ESRRG: variants seen among roughly 807,000 people sequenced by gnomAD.
ESRRG encodes estrogen related receptor gamma.
Under a neutral mutation model 44.0 loss-of-function variants are expected in ESRRG, and 13 were observed. The observed-to-expected ratio is 0.30, with a 90% CI of 0.19 to 0.47. The LOEUF (loss-of-function observed/expected upper bound fraction) is 0.47. ESRRG is among the 20% of genes least tolerant of loss of function. The probability of loss-of-function intolerance (pLI) is 1.00; values close to 1 mark genes in which losing one functional copy is unlikely to be tolerated. For synonymous variants in ESRRG, 215 were observed against 214.6 expected (o/e 1.00, Z -0.02); for missense variants, 395 against 580.6 (o/e 0.68, Z 3.29).
intron 1 of ESRRG, among the ~76,000 whole-genome samples, chr1:217,023,557 C>A (rs1025613233): frequency 8.5e-5 from 13 of 152,076 alleles, no homozygotes; most frequent in African/African-American, 1.4e-4. Context: ...GGAAGGAGGG[C>A]AAAATCTTTG....
At position 216,575,888 on chromosome 1, in the gene ESRRG, A is replaced by G. The variant is rs924557709; in HGVS notation, c.590-7790T>C. Among the ~76,000 whole-genome samples, 4 of 152,214 alleles carry G rather than the reference A, an allele frequency of 2.6e-5. No individual in the cohort carries two copies. In the South Asian group the frequency reaches 6.2e-4, roughly 24 times the overall value. ...GAACTAGCAGGAGGAAAAAATAATGAACACTGTTACTCAAAAGGGCTAGGC... is the reference window on the plus strand; with the variant it reads ...GAACTAGCAGGAGGAAAAAATAATGGACACTGTTACTCAAAAGGGCTAGGC... On this transcript the variant is annotated intron_variant, in intron 3 of 6. Coordinates refer to ENST00000408911, the MANE Select transcript of ESRRG (RefSeq NM_001438.4).
chr1:216,747,604 T>C (rs1170786271), intron 2 of ESRRG, among the ~76,000 whole-genome samples: 1 of 152,170 alleles, frequency 6.6e-6, no homozygotes, highest in Middle Eastern at 3.2e-3. Context: ...AAAATAGTTA[T>C]GATGATTTTT....
intron 1 of ESRRG, among the ~76,000 whole-genome samples, chr1:217,017,478 C>CAAAAAAAAAA (rs55820027): frequency 6.1e-5 from 5 of 82,500 alleles, no homozygotes; most frequent in African/African-American, 1.3e-4. Context: ...CTACATAACT[C>CAAAAAAAAAA]AAAAAAAAAA....
intron 1 of ESRRG, among the ~76,000 whole-genome samples, chr1:216,684,725 A>G (rs761511509): frequency 3.9e-5 from 6 of 152,182 alleles, no homozygotes; most frequent in Non-Finnish European, 7.4e-5. Flanking sequence ...TTCTTATGAC[A>G]TTACTTTATA....
chr1:216,684,972 T>C (rs1169499603), intron 1 of ESRRG, among the ~76,000 whole-genome samples: 2 of 152,196 alleles, frequency 1.3e-5, no homozygotes, highest in African/African-American at 2.4e-5. Context: ...AGAGAGAATC[T>C]CGAAAACCTC....
At chr1:216,783,053 TTACA>T (rs1468852126) in intron 2 of ESRRG, among the ~76,000 whole-genome samples, 5 of 151,814 alleles carry the variant, frequency 3.3e-5, no homozygotes, top group Admixed American at 6.6e-5. Context: ...AACTACAACC[TTACA>T]TTCCCACTCA....
chr1:216,717,088 T>G (rs993746567), intron 1 of ESRRG, among the ~76,000 whole-genome samples: 7 of 152,040 alleles, frequency 4.6e-5, no homozygotes, highest in African/African-American at 1.7e-4. Context: ...ACATTTAAAA[T>G]TATTTTTAAA....
intron 2 of ESRRG, among the ~76,000 whole-genome samples, chr1:216,913,614 C>T (rs932009099): frequency 6.6e-6 from 1 of 152,250 alleles, no homozygotes; most frequent in African/African-American, 2.4e-5. Context: ...TCCAAGCTTA[C>T]TCACTCTACG....
intron 1 of ESRRG, among the ~76,000 whole-genome samples, chr1:217,134,736 G>T (rs1353415034): frequency 6.6e-6 from 1 of 152,328 alleles, no homozygotes; most frequent in African/African-American, 2.4e-5. Flanking sequence ...TCTTGCTCCG[G>T]GCTGAGGCTC....
intron 1 of ESRRG, among the ~76,000 whole-genome samples, chr1:216,703,134 G>T (rs1176801735): frequency 6.6e-6 from 1 of 152,104 alleles, no homozygotes; most frequent in African/African-American, 2.4e-5. Flanking sequence ...ATCTATAGAA[G>T]TTCCCTGAAG....
At position 216,956,100 on chromosome 1, in the gene ESRRG, A is replaced by T. The variant is rs567148542; in HGVS notation, c.-105-16427T>A. Among the ~76,000 whole-genome samples, 10 of 152,250 alleles carry T rather than the reference A, an allele frequency of 6.6e-5. No individual in the cohort carries two copies. The South Asian group carries it at 1.7e-3, about 25-fold the overall frequency. On this transcript the variant is annotated intron_variant, in intron 1 of 7. Coordinates refer to the ESRRG transcript ENST00000359162. ...GCTGTCTGTGTTTTTACAGTCTTAC[A>T]TACAAAATCTTTTCCTAGACCAATG...
rs983280106 is a variant in ESRRG, at chr1:217,023,648, CT to C, written c.-106+65858del. 4.6e-5 allele frequency among the ~76,000 whole-genome samples: 7 copies of C among 152,180 alleles called. 1 individual carries two copies. The highest frequency in any genetic ancestry group is 1.4e-4 in the African/African-American group (6 of 41,444). On this transcript the variant is annotated intron_variant, in intron 1 of 7. Coordinates refer to the ESRRG transcript ENST00000359162. ...TCAAACAACTCTGGAAACCTCCTTCCTTGAGATGCTTTCCTGGAACAATCAC... is the reference window on the plus strand; with the variant it reads ...TCAAACAACTCTGGAAACCTCCTTCCTGAGATGCTTTCCTGGAACAATCAC...
intron 2 of ESRRG, among the ~76,000 whole-genome samples, chr1:216,777,520 T>C (rs531335586): frequency 7.9e-5 from 12 of 152,176 alleles, no homozygotes; most frequent in Non-Finnish European, 1.6e-4. Flanking sequence ...CTGAAAATGA[T>C]GGATAAGAAT....
intron 5 of ESRRG, among the ~76,000 whole-genome samples, chr1:216,550,793 T>C (rs746523362): frequency 7.2e-5 from 11 of 152,160 alleles, no homozygotes; most frequent in Non-Finnish European, 1.3e-4. Flanking sequence ...ATGCAGAAAA[T>C]AGGTCTCTGT....
chr1:216,943,291 C>A (rs184527721), intron 1 of ESRRG, among the ~76,000 whole-genome samples: 5 of 152,210 alleles, frequency 3.3e-5, no homozygotes, highest in Admixed American at 3.3e-4. Context: ...AAGTCAGTGA[C>A]CCCAAGGCAA....
intron 1 of ESRRG, among the ~76,000 whole-genome samples, chr1:217,040,432 A>T (rs942217851): frequency 6.6e-6 from 1 of 152,044 alleles, no homozygotes; most frequent in Non-Finnish European, 1.5e-5. Context: ...TTTCTACATC[A>T]CCTGCCCTTG....
upstream of ESRRG, chr1:216,723,537 G>A (rs2086839527): frequency 3.9e-6 from 2 of 516,414 alleles, no homozygotes; most frequent in Non-Finnish European, 6.9e-6. Flanking sequence ...CGATTGGGGG[G>A]CCTCTGCCCA....
At chr1:217,055,260 A>C (rs992634119) in intron 1 of ESRRG, among the ~76,000 whole-genome samples, 1 of 152,146 alleles carries the variant, frequency 6.6e-6, no homozygotes, top group African/African-American at 2.4e-5. Flanking sequence ...CTCAAAGGGA[A>C]AGCATGAGGT....
At chr1:216,516,636 T>TACACACACACACACACACAC (rs779496209) in intron 6 of ESRRG, among the ~76,000 whole-genome samples, 7,283 of 130,006 alleles carry the variant, frequency 0.056, 327 homozygotes, top group South Asian at 0.11. Flanking sequence ...CACACACACA[T>TACACACACACACACACACAC]ACACACACAC....
Sources: gnomAD v4.1 joint callset for allele counts (sites outside exome capture counted in the v4.1 genomes callset) on GRCh38, gnomAD v4.1.1 for gene constraint, MANE v1.5 for transcripts, NCBI Gene and HGNC (gene_info 2026-07-23, HGNC 2026-07-21) for gene names.